EPSTI1: variants seen among roughly 807,000 people sequenced by gnomAD.
The protein encoded by EPSTI1 is epithelial-stromal interaction protein 1.
In EPSTI1, 66 loss-of-function variants were observed where a neutral mutation model predicts 49.9. The ratio of observed to expected loss-of-function variants is 1.32; its 90% confidence interval spans 1.08 to 1.62. EPSTI1 has a LOEUF of 1.62. EPSTI1 is among the 40% of genes most tolerant of loss of function. The probability of loss-of-function intolerance (pLI) is 0.00; values close to 1 mark genes in which losing one functional copy is unlikely to be tolerated. For synonymous variants in EPSTI1, 137 were observed against 130.7 expected, an observed-to-expected ratio of 1.05 and a Z score of -0.33; for missense variants, 394 against 365.5, an observed-to-expected ratio of 1.08 and a Z score of -0.64.
At chr13:42,923,452 T>A (rs1325431235) in intron 7 of EPSTI1, among the ~76,000 whole-genome samples, 1 of 152,044 alleles carries the variant, frequency 6.6e-6, no homozygotes, top group Non-Finnish European at 1.5e-5. Context: ...TCCCAGCCAC[T>A]TAGGAGGCTG....
At chr13:42,991,007 C>A (rs34534302) in intron 1 of EPSTI1, 28,103 of 152,154 alleles carry the variant, frequency 0.18, 2,698 homozygotes, top group Middle Eastern at 0.34. Context: ...CACTGCAGTC[C>A]CTGAACCAAA....
chr13:42,967,504 T>G (rs2039653503), intron 3 of EPSTI1, among the ~76,000 whole-genome samples: 1 of 152,144 alleles, frequency 6.6e-6, no homozygotes, highest in South Asian at 2.1e-4. Flanking sequence ...TGCACAAGTA[T>G]TTCCTGTACT....
At chr13:42,968,677 AC>A (rs1376779883) in intron 3 of EPSTI1, among the ~76,000 whole-genome samples, 2 of 152,080 alleles carry the variant, frequency 1.3e-5, no homozygotes, top group African/African-American at 2.4e-5. Flanking sequence ...CCCTCTTGGA[AC>A]TGACTCTCCA....
intron 1 of EPSTI1, among the ~76,000 whole-genome samples, chr13:42,982,848 G>A (rs2040009942): frequency 6.6e-6 from 1 of 152,074 alleles, no homozygotes; most frequent in South Asian, 2.1e-4. Context: ...CATTTCAGAG[G>A]GATCCTCCCT....
intron 6 of EPSTI1, among the ~76,000 whole-genome samples, chr13:42,941,880 C>T (rs2038763355): frequency 1.3e-5 from 2 of 151,936 alleles, no homozygotes; most frequent in Admixed American, 1.3e-4. Context: ...TACAATTATG[C>T]TTAGCATTGT....
intron 5 of EPSTI1, among the ~76,000 whole-genome samples, chr13:42,954,736 T>G (rs893051562): frequency 1.3e-5 from 2 of 152,192 alleles, no homozygotes. Flanking sequence ...CTATGACCTA[T>G]GAAAAACAAG....
intron 7 of EPSTI1, among the ~76,000 whole-genome samples, chr13:42,924,962 G>A (rs1265102509): frequency 6.6e-6 from 1 of 152,194 alleles, no homozygotes; most frequent in African/African-American, 2.4e-5. Context: ...CAAACTCTGA[G>A]AAACCTGAGA....
intron 8 of EPSTI1, among the ~76,000 whole-genome samples, chr13:42,911,262 TGTGCGCGCGCACGCGCGCACAC>T (rs201312572): frequency 1.7e-5 from 2 of 116,230 alleles, no homozygotes; most frequent in Admixed American, 9.2e-5. Flanking sequence ...TGTGTGTGTG[TGTGCGCGCGCACGCGCGCACAC>T]GTGTGTGAGT....
chr13:42,948,564 A>C (rs1189070770), intron 6 of EPSTI1, among the ~76,000 whole-genome samples: 1 of 151,494 alleles, frequency 6.6e-6, no homozygotes, highest in Non-Finnish European at 1.5e-5. Flanking sequence ...GTAACCTCAA[A>C]TTCCTGGGCT....
intron 6 of EPSTI1, among the ~76,000 whole-genome samples, chr13:42,937,648 G>C (rs1345719959): frequency 2.0e-5 from 3 of 152,152 alleles, no homozygotes; most frequent in Non-Finnish European, 2.9e-5. Context: ...TTGATCATAA[G>C]ATTGCAACAA....
At chr13:42,970,358 A>C (rs926930144) in intron 2 of EPSTI1, 2 of 375,660 alleles carry the variant, frequency 5.3e-6, no homozygotes, top group East Asian at 9.5e-5. Context: ...CAATAAGTGT[A>C]AAGTTGTTCA....
At chr13:42,935,583 T>C (rs2038533600) in intron 6 of EPSTI1, among the ~76,000 whole-genome samples, 1 of 152,148 alleles carries the variant, frequency 6.6e-6, no homozygotes, top group Non-Finnish European at 1.5e-5. Context: ...CACTCATAAA[T>C]TCTTTTTTTT....
At chr13:42,986,334 G>A (rs977933859) in intron 1 of EPSTI1, among the ~76,000 whole-genome samples, 2 of 152,164 alleles carry the variant, frequency 1.3e-5, no homozygotes, top group Admixed American at 1.3e-4. Flanking sequence ...CAAACCCTTG[G>A]GATTCCCAGA....
In EPSTI1 at chr13:42,936,728, C is replaced by T. The variant is rs2038576849; in HGVS notation, c.564-10299G>A. On this transcript the variant is annotated intron_variant, in intron 6 of 10. Coordinates refer to ENST00000313624, the MANE Select transcript of EPSTI1 (RefSeq NM_033255.5). ...TAAATTTATATTTCCCACATATCTG[C>T]TCAGTGAGACCAAATTCGTGTGTAC... Among the ~76,000 whole-genome samples, 3 of 152,196 alleles carry T rather than the reference C, an allele frequency of 2.0e-5. No homozygotes were observed. In the South Asian group the frequency reaches 6.2e-4, roughly 31 times the overall value.
At chr13:42,902,272 T>A (rs1282853555) in intron 8 of EPSTI1, among the ~76,000 whole-genome samples, 2 of 152,108 alleles carry the variant, frequency 1.3e-5, no homozygotes, top group Non-Finnish European at 2.9e-5. Context: ...GAGAGGGATC[T>A]AGAAATCCTG....
intron 10 of EPSTI1, among the ~76,000 whole-genome samples, chr13:42,888,922 T>C (rs1299365117): frequency 1.3e-5 from 2 of 152,234 alleles, no homozygotes; most frequent in African/African-American, 4.8e-5. Context: ...TAAGAGGACC[T>C]TGATGTAGGG....
chr13:42,952,533 C>G (rs2039132121), intron 6 of EPSTI1, among the ~76,000 whole-genome samples: 1 of 152,202 alleles, frequency 6.6e-6, no homozygotes, highest in Non-Finnish European at 1.5e-5. Flanking sequence ...GTGCCTCCCT[C>G]CCACCATATC....
intron 1 of EPSTI1, among the ~76,000 whole-genome samples, chr13:42,990,898 A>C (rs182138165): frequency 6.6e-6 from 1 of 152,382 alleles, no homozygotes; most frequent in East Asian, 1.9e-4. Context: ...CTTCAAAGGC[A>C]GTGATGTTGT....
At chr13:42,936,503 G>A (rs1407949762) in intron 6 of EPSTI1, among the ~76,000 whole-genome samples, 2 of 151,942 alleles carry the variant, frequency 1.3e-5, no homozygotes, top group South Asian at 2.1e-4. Flanking sequence ...TTCTCCTTTC[G>A]GAAATATGTC....
Sources: allele counts gnomAD v4.1 joint callset (sites outside exome capture counted in the v4.1 genomes callset), GRCh38; gene constraint gnomAD v4.1.1; transcripts MANE v1.5; gene names NCBI Gene and HGNC (gene_info 2026-07-23, HGNC 2026-07-21).